The following CENPC variants were observed in gnomAD, a reference collection of about 807,000 sequenced individuals.
CENPC encodes CENP-C 1.
Under a neutral mutation model 112.1 loss-of-function variants are expected in CENPC, and 63 were observed. The observed-to-expected ratio is 0.56, with a 90% CI of 0.46 to 0.69. The LOEUF (loss-of-function observed/expected upper bound fraction) is 0.69. Ranked by LOEUF, CENPC falls within the 30% of genes least tolerant of loss-of-function variation. CENPC has a pLI of 0.00. For missense variants in CENPC, 1,000 were observed against 1,103.8 expected (o/e 0.91, Z 1.33); for synonymous variants, 333 against 367.6 (o/e 0.91, Z 1.08).
chr4:67,503,528 T>A (rs1382146148), intron 12 of CENPC, among the ~76,000 whole-genome samples: 2 of 152,136 alleles, frequency 1.3e-5, no homozygotes, highest in Non-Finnish European at 2.9e-5. Context: ...TTCCAGAAAT[T>A]AAGCTGGAGG....
At chr4:67,495,135 A>G (rs1457378209) in intron 13 of CENPC, 24 bp downstream of exon 13, 1 of 1,489,026 alleles carries the variant, frequency 6.7e-7, no homozygotes. Flanking sequence ...CAATGAAAAT[A>G]TTAAAAAAGA....
At chr4:67,531,626 C>A (rs1444200837) in intron 4 of CENPC, among the ~76,000 whole-genome samples, 1 of 152,132 alleles carries the variant, frequency 6.6e-6, no homozygotes, top group African/African-American at 2.4e-5. Flanking sequence ...ATGGGACCAA[C>A]CCCCAGTGAA....
chr4:67,477,557 T>C (rs1724839685), intron 17 of CENPC, among the ~76,000 whole-genome samples: 1 of 152,168 alleles, frequency 6.6e-6, no homozygotes, highest in Non-Finnish European at 1.5e-5. Flanking sequence ...TGAACTGCAG[T>C]GCTTGACCTC....
intron 9 of CENPC, chr4:67,511,015 T>G: frequency 2.2e-6 from 1 of 456,150 alleles, no homozygotes; most frequent in South Asian, 1.5e-5. Flanking sequence ...GTACTTAGCA[T>G]TTCAGGCAAC....
chr4:67,511,722 T>C (rs867876746), intron 9 of CENPC, among the ~76,000 whole-genome samples: 1 of 152,178 alleles, frequency 6.6e-6, no homozygotes, highest in Non-Finnish European at 1.5e-5. Flanking sequence ...CCAGGAAAGA[T>C]CTTGGGCACT....
intron 2 of CENPC, among the ~76,000 whole-genome samples, chr4:67,541,685 T>C (rs1164296236): frequency 6.6e-6 from 1 of 152,202 alleles, no homozygotes; most frequent in African/African-American, 2.4e-5. Context: ...CTACATGTAC[T>C]CATTTCTGAA....
At chr4:67,479,707 G>A (rs1431817376) in intron 17 of CENPC, among the ~76,000 whole-genome samples, 1 of 152,080 alleles carries the variant, frequency 6.6e-6, no homozygotes, top group Non-Finnish European at 1.5e-5. Flanking sequence ...AGCAGATGAA[G>A]ATCAGGCCAT....
Position 67,511,610 on chromosome 4 carries a change from A to C in CENPC, c.1612+792T>G, listed in dbSNP as rs569214645. On this transcript the variant is annotated intron_variant, in intron 9 of 18. Coordinates refer to ENST00000273853, the MANE Select transcript of CENPC (RefSeq NM_001812.4). ...TTGGCAAACGTGGTGTTGTGGGCCT[A>C]AACTGCTTATGCAAAAAATATGGTT... 9.9e-5 allele frequency among the ~76,000 whole-genome samples: 15 copies of C among 152,280 alleles called. No individual in the cohort carries two copies. In the East Asian group the frequency reaches 2.7e-3, roughly 27 times the overall value.
At chr4:67,518,851 T>G (rs909925393) in intron 6 of CENPC, among the ~76,000 whole-genome samples, 1 of 152,316 alleles carries the variant, frequency 6.6e-6, no homozygotes, top group African/African-American at 2.4e-5. Context: ...CCACAAAGCA[T>G]AGCATCCTCA....
At chr4:67,514,876 T>C (rs1367135256) in intron 7 of CENPC, among the ~76,000 whole-genome samples, 189 bp from the exon 8 acceptor site, 3 of 152,068 alleles carry the variant, frequency 2.0e-5, no homozygotes, top group Non-Finnish European at 2.9e-5. Context: ...TTATTTATAA[T>C]AGTAATGACA....
chr4:67,525,513 T>A (rs866450646), intron 5 of CENPC, among the ~76,000 whole-genome samples: 1 of 151,996 alleles, frequency 6.6e-6, no homozygotes, highest in South Asian at 2.1e-4. Flanking sequence ...GCAAATGATA[T>A]GAACAGACAC....
rs543465910 is a variant in CENPC at position 67,493,733 on chromosome 4, T to G, written c.2290+151A>C. On this transcript the variant is annotated intron_variant, in intron 14 of 18. Transcript: ENST00000273853. The stretch of plus-strand genomic sequence containing the variant: ...AAGAGAAAATATCAGCATCTCTACA[T>G]TAATCAGACAAAAATGAATTTAAAT... The G allele has an allele frequency of 5.8e-4, 327 of 567,666 alleles. 2 individuals carry two copies. The highest frequency in any genetic ancestry group is 4.9e-3 in the African/African-American group (263 of 53,170). 35.2% of individuals were successfully genotyped at this position (567,666 alleles called of 1,614,324 possible).
chr4:67,488,169 G>A (rs1054333780), intron 17 of CENPC, among the ~76,000 whole-genome samples: 1 of 149,898 alleles, frequency 6.7e-6, no homozygotes, highest in Non-Finnish European at 1.5e-5. Flanking sequence ...CTTTTATCTT[G>A]CATATTTGCT....
intron 4 of CENPC, among the ~76,000 whole-genome samples, chr4:67,535,216 C>A (rs1386125230): frequency 6.6e-6 from 1 of 151,446 alleles, no homozygotes; most frequent in African/African-American, 2.4e-5. Context: ...CCCAAATTAC[C>A]CATCATGAAG....
rs1394278118 is a variant in CENPC, at chr4:67,544,612, A to AT, written c.19-418dup. Among the ~76,000 whole-genome samples the AT allele has an allele frequency of 4.6e-5, 7 of 152,328 alleles. No individual in the cohort carries two copies. In the East Asian group the frequency reaches 1.3e-3, roughly 29 times the overall value. On this transcript the variant is annotated intron_variant, in intron 1 of 18. Transcript: ENST00000273853. The stretch of plus-strand genomic sequence containing the variant: ...ATAAATTAGAAAAGAAATGATACGG[A>AT]TTTTTATATAGTAACCATAACCAAA...
intron 17 of CENPC, among the ~76,000 whole-genome samples, chr4:67,483,549 A>T (rs538907717): frequency 3.3e-3 from 300 of 89,890 alleles, no homozygotes; most frequent in African/African-American, 9.0e-3. Context: ...CCACTTATAT[A>T]AAAAAAAAAA....
intron 17 of CENPC, among the ~76,000 whole-genome samples, chr4:67,481,304 A>G (rs997019342): frequency 3.3e-5 from 5 of 152,194 alleles, no homozygotes; most frequent in African/African-American, 1.2e-4. Flanking sequence ...GGGTAGAACC[A>G]GTATTGTGAA....
intron 1 of CENPC, 26 bp downstream of exon 1, chr4:67,545,312 G>T (rs902292444): frequency 6.8e-7 from 1 of 1,463,448 alleles, no homozygotes; most frequent in South Asian, 1.3e-5. Context: ...TCAACCACTC[G>T]CCTGGAGCGG....
chr4:67,473,143 AGGTCTC>A (rs1271707705), intron 18 of CENPC, among the ~76,000 whole-genome samples: 1 of 151,784 alleles, frequency 6.6e-6, no homozygotes, highest in Admixed American at 6.6e-5. Context: ...TTGCCCAGGC[AGGTCTC>A]GAACTCCTGG....
Sources: gnomAD v4.1 joint callset for allele counts (sites outside exome capture counted in the v4.1 genomes callset) on GRCh38, gnomAD v4.1.1 for gene constraint, MANE v1.5 for transcripts, NCBI Gene and HGNC (gene_info 2026-07-23, HGNC 2026-07-21) for gene names.